PACRG: variants seen among roughly 807,000 people sequenced by gnomAD.
PACRG encodes parkin coregulated gene protein.
A neutral mutation model predicts 29.7 loss-of-function variants in PACRG; 29 were observed. That is an observed-to-expected ratio of 0.98 (90% CI 0.73 to 1.33). PACRG has a LOEUF of 1.33. Ranked by LOEUF, PACRG falls within the 40% of genes most tolerant of loss-of-function variation. The pLI is 0.00. For synonymous variants in PACRG, 116 were observed against 118.7 expected (o/e 0.98, Z 0.15); for missense variants, 279 against 316.2 (o/e 0.88, Z 0.89).
chr6:162,851,997 G>GGAAGGA (rs1562663764), intron 2 of PACRG, among the ~76,000 whole-genome samples: 3 of 60,914 alleles, frequency 4.9e-5, no homozygotes, highest in African/African-American at 6.9e-5. Flanking sequence ...GGGAGGGAGG[G>GGAAGGA]AGGGAGGGAG....
chr6:162,879,179 TA>T (rs1793622227), intron 2 of PACRG, among the ~76,000 whole-genome samples: 1 of 152,178 alleles, frequency 6.6e-6, no homozygotes, highest in South Asian at 2.1e-4. Flanking sequence ...AAATATATTA[TA>T]AAATCCATAC....
At chr6:162,889,646 T>C (rs1794614916) in intron 2 of PACRG, among the ~76,000 whole-genome samples, 1 of 152,252 alleles carries the variant, frequency 6.6e-6, no homozygotes, top group Non-Finnish European at 1.5e-5. Flanking sequence ...GTTTTGAATA[T>C]GAGTAACAGT....
chr6:163,231,142 C>T (rs900698540), intron 4 of PACRG, among the ~76,000 whole-genome samples: 7 of 152,202 alleles, frequency 4.6e-5, no homozygotes, highest in Non-Finnish European at 7.3e-5. Flanking sequence ...GGGAGGCTGG[C>T]AAGGTGGGCA....
intron 4 of PACRG, among the ~76,000 whole-genome samples, chr6:163,147,532 C>G (rs566685421): frequency 6.6e-6 from 1 of 152,140 alleles, no homozygotes. Context: ...CATGGCAGTT[C>G]TTTCTATTCT....
chr6:163,159,320 T>C (rs563826210), intron 4 of PACRG, among the ~76,000 whole-genome samples: 1 of 148,496 alleles, frequency 6.7e-6, no homozygotes. Flanking sequence ...TAATTTATTA[T>C]ATATTTACAT....
intron 2 of PACRG, chr6:163,042,762 AC>A (rs1808869322): frequency 6.6e-6 from 1 of 151,980 alleles, no homozygotes; most frequent in Non-Finnish European, 1.5e-5. Flanking sequence ...CTACGGGTAA[AC>A]TATGAAAGCA....
intron 1 of PACRG, among the ~76,000 whole-genome samples, chr6:162,801,164 G>A (rs1273073691): frequency 6.6e-6 from 1 of 152,068 alleles, no homozygotes; most frequent in East Asian, 1.9e-4. Flanking sequence ...TGTTGCCCAG[G>A]CTGGGGGATA....
chr6:163,028,555 C>T (rs1807358074), intron 2 of PACRG, among the ~76,000 whole-genome samples: 1 of 151,862 alleles, frequency 6.6e-6, no homozygotes, highest in African/African-American at 2.4e-5. Context: ...AAAACTGGCT[C>T]CATACAAATA....
intron 2 of PACRG, among the ~76,000 whole-genome samples, chr6:162,968,610 C>A (rs979881450): frequency 6.6e-6 from 1 of 152,082 alleles, no homozygotes; most frequent in African/African-American, 2.4e-5. Context: ...GATGTTCCAG[C>A]GTGACAGAAG....
chr6:163,056,358 G>A (rs1183190547), intron 2 of PACRG, among the ~76,000 whole-genome samples: 1 of 152,210 alleles, frequency 6.6e-6, no homozygotes, highest in African/African-American at 2.4e-5. Flanking sequence ...CTGCGAATTA[G>A]TGGAGAAATG....
intron 2 of PACRG, among the ~76,000 whole-genome samples, chr6:162,943,094 A>C (rs1798743840): frequency 6.6e-6 from 1 of 152,182 alleles, no homozygotes; most frequent in Non-Finnish European, 1.5e-5. Context: ...CAACCCCTGC[A>C]GGCTCTGAGA....
chr6:163,040,631 A>T (rs1405175615), intron 2 of PACRG, among the ~76,000 whole-genome samples: 2 of 152,242 alleles, frequency 1.3e-5, no homozygotes, highest in Non-Finnish European at 2.9e-5. Context: ...TTTCATCAGC[A>T]TGCCCTGGAT....
At chr6:163,212,927 C>T (rs1024839092) in intron 4 of PACRG, among the ~76,000 whole-genome samples, 2 of 152,102 alleles carry the variant, frequency 1.3e-5, no homozygotes, top group Admixed American at 6.5e-5. Flanking sequence ...TACAGGCACC[C>T]ACCACCACGC....
At chr6:163,078,762 C>T (rs1034354416) in intron 3 of PACRG, among the ~76,000 whole-genome samples, 2 of 152,146 alleles carry the variant, frequency 1.3e-5, no homozygotes, top group African/African-American at 4.8e-5. Flanking sequence ...ACCGCAGTGC[C>T]TCCCCTTGCT....
At chr6:162,874,145 A>AT (rs1326465885) in intron 2 of PACRG, among the ~76,000 whole-genome samples, 1 of 109,034 alleles carries the variant, frequency 9.2e-6, no homozygotes, top group Admixed American at 1.0e-4. Flanking sequence ...GAGTTAAAAA[A>AT]AAAAAAATAT....
chr6:163,033,506 ACT>A (rs1807861558), intron 2 of PACRG, among the ~76,000 whole-genome samples: 1 of 152,202 alleles, frequency 6.6e-6, no homozygotes, highest in Non-Finnish European at 1.5e-5. Flanking sequence ...AATCTTTAAA[ACT>A]CTATTTCCCA....
chr6:162,935,897 G>A (rs190764406), intron 2 of PACRG, among the ~76,000 whole-genome samples: 1 of 152,274 alleles, frequency 6.6e-6, no homozygotes, highest in East Asian at 1.9e-4. Flanking sequence ...GGAGCAAAAT[G>A]AAACATACTT....
intron 4 of PACRG, among the ~76,000 whole-genome samples, chr6:163,313,371 T>C (rs1009000918): frequency 6.6e-6 from 1 of 151,904 alleles, no homozygotes; most frequent in Non-Finnish European, 1.5e-5. Flanking sequence ...AAGAAAAGAA[T>C]AAGGATAGAA....
chr6:163,102,275 G>C (rs1196807123), intron 4 of PACRG, among the ~76,000 whole-genome samples: 3 of 152,166 alleles, frequency 2.0e-5, no homozygotes, highest in Non-Finnish European at 4.4e-5. Flanking sequence ...GGTACAGTTT[G>C]GAACAGTAAA....
Sources: allele counts gnomAD v4.1 joint callset (sites outside exome capture counted in the v4.1 genomes callset), GRCh38; gene constraint gnomAD v4.1.1; transcripts MANE v1.5; gene names NCBI Gene and HGNC (gene_info 2026-07-23, HGNC 2026-07-21).